VCL: variants seen among roughly 807,000 people sequenced by gnomAD.
VCL encodes the protein epididymis luminal protein 114.
A neutral mutation model predicts 125.7 loss-of-function variants in VCL; 47 were observed. That is an observed-to-expected ratio of 0.37 (90% confidence interval 0.30 to 0.48). VCL has a LOEUF of 0.48. VCL is among the 20% of genes least tolerant of loss of function. VCL has a pLI of 0.99. For synonymous variants in VCL, 458 were observed against 514.6 expected (o/e 0.89, Z 1.49); for missense variants, 1,069 against 1,455.5 (o/e 0.73, Z 4.32).
chr10:74,013,080 G>A (rs1840465798), intron 1 of VCL, among the ~76,000 whole-genome samples: 1 of 152,114 alleles, frequency 6.6e-6, no homozygotes, highest in South Asian at 2.1e-4. Context: ...ATCCATCATA[G>A]TGCTTGGCAT....
intron 2 of VCL, among the ~76,000 whole-genome samples, chr10:74,067,379 A>G (rs114564754): frequency 2.6e-4 from 33 of 126,350 alleles, no homozygotes; most frequent in Non-Finnish European, 3.9e-4. Context: ...GCTTTTATTT[A>G]AAAAAAAAAA....
intron 21 of VCL, among the ~76,000 whole-genome samples, chr10:74,117,009 A>G (rs1298492671): frequency 1.3e-5 from 2 of 152,238 alleles, no homozygotes; most frequent in East Asian, 3.8e-4. Flanking sequence ...TGAATTGCCA[A>G]GATCCTTCCT....
chr10:74,080,497 A>G (rs942343367), intron 6 of VCL, among the ~76,000 whole-genome samples: 2 of 152,164 alleles, frequency 1.3e-5, no homozygotes, highest in African/African-American at 4.8e-5. Flanking sequence ...ACATGCAGGG[A>G]ATGCATATTA....
At chr10:74,098,132 T>G (rs1441995418) in intron 13 of VCL, among the ~76,000 whole-genome samples, 1 of 152,236 alleles carries the variant, frequency 6.6e-6, no homozygotes, top group Non-Finnish European at 1.5e-5. Flanking sequence ...TACATCTGTA[T>G]GTACCTCCTT....
chr10:74,054,877 C>T (rs1267788386), intron 2 of VCL, among the ~76,000 whole-genome samples: 1 of 151,416 alleles, frequency 6.6e-6, no homozygotes, highest in African/African-American at 2.4e-5. Flanking sequence ...GCTGAGATCA[C>T]GCCATTGCAC....
chr10:74,083,529 T>C lies in VCL; in HGVS notation c.1022+16T>C. 1 of 1,613,230 alleles carries C rather than the reference T, an allele frequency of 6.2e-7. No homozygotes were observed. The highest frequency in any genetic ancestry group is 2.2e-5 in the East Asian group (1 of 44,846). ...TCCGTGCCAGGTAAAAGTTCCTCTGTCCTTACAGAGCAGTAGTGGGTAACT... is the reference window on the plus strand; with the variant it reads ...TCCGTGCCAGGTAAAAGTTCCTCTGCCCTTACAGAGCAGTAGTGGGTAACT... On this transcript the variant is annotated intron_variant, in intron 8 of 21. Transcript: ENST00000211998.
intron 2 of VCL, among the ~76,000 whole-genome samples, chr10:74,062,075 T>A (rs1841490591): frequency 6.6e-6 from 1 of 151,880 alleles, no homozygotes; most frequent in Non-Finnish European, 1.5e-5. Flanking sequence ...TTTTTATTTT[T>A]ATTTTTTGAG....
chr10:74,066,504 A>G (rs1841573195), intron 2 of VCL, among the ~76,000 whole-genome samples: 1 of 152,186 alleles, frequency 6.6e-6, no homozygotes, highest in African/African-American at 2.4e-5. Context: ...ATATAGGCAG[A>G]ACTCAACAAA....
At chr10:74,087,299 TTTTATTTATTTA>T (rs1042392021) in intron 8 of VCL, among the ~76,000 whole-genome samples, 1 of 149,548 alleles carries the variant, frequency 6.7e-6, no homozygotes, top group Non-Finnish European at 1.5e-5. Flanking sequence ...AACAGAATAA[TTTTATTTATTTA>T]TTTATTTATT....
intron 1 of VCL, among the ~76,000 whole-genome samples, chr10:74,017,713 G>C (rs1394556753): frequency 1.5e-5 from 2 of 137,832 alleles, no homozygotes; most frequent in Non-Finnish European, 3.4e-5. Flanking sequence ...ATGCCACCAT[G>C]TCTGGCTAAT....
chr10:74,114,890 G>A lies in VCL; in HGVS notation c.3249G>A (p.Glu1083=). ...MLGRTNISDE[E]SEQATEMLVH... ...GCCGGACCAACATCAGTGATGAGGA[G>A]TCTGAGCAGGTATGTGGCAGCTGTT... The change falls in exon 21 of 22, where the codon GAG becomes GAA. Residue 1083 remains glutamate, a synonymous_variant. Coordinates refer to ENST00000211998, the MANE Select transcript of VCL (RefSeq NM_014000.3). The A allele has an allele frequency of 6.3e-7, 1 of 1,591,614 alleles. No individual in the cohort carries two copies. Among genetic ancestry groups the A allele is most frequent in the Non-Finnish European group, 8.6e-7 (1 of 1,168,914 alleles).
intron 2 of VCL, among the ~76,000 whole-genome samples, chr10:74,062,367 A>ATTTT (rs34306365): frequency 1.2e-4 from 14 of 113,960 alleles, no homozygotes; most frequent in Admixed American, 2.0e-4. Context: ...GCCTGGCCTG[A>ATTTT]TTTTTTTTTT....
chr10:74,119,633 G>C lies in VCL; in HGVS notation c.*1464G>C, dbSNP rs1280821433. ...CCAAAGCCAGAACCAGATGAGTAAAGGAGTAAGAACCTTGCCTGAACATCC... is the reference window on the plus strand; with the variant it reads ...CCAAAGCCAGAACCAGATGAGTAAACGAGTAAGAACCTTGCCTGAACATCC... On this transcript the variant is annotated 3_prime_UTR_variant, in exon 22 of 22. Transcript: ENST00000211998. 6.6e-6 allele frequency: 1 copy of C among 152,264 alleles called. No homozygotes were observed. The highest frequency in any genetic ancestry group is 6.5e-5 in the Admixed American group (1 of 15,280). 9.4% of individuals were successfully genotyped at this position (152,264 alleles called of 1,614,324 possible).
intron 1 of VCL, among the ~76,000 whole-genome samples, chr10:74,011,835 G>T (rs1477836881): frequency 6.6e-6 from 1 of 152,188 alleles, no homozygotes; most frequent in African/African-American, 2.4e-5. Flanking sequence ...TAAGTGTGGG[G>T]TGTGTGTATA....
intron 6 of VCL, chr10:74,075,290 T>C (rs1214676902): frequency 5.7e-6 from 1 of 176,344 alleles, no homozygotes; most frequent in Admixed American, 5.6e-5. Flanking sequence ...TTCTGAACTT[T>C]ATGGAAAACT....
At chr10:74,079,887 A>T (rs1211064242) in intron 6 of VCL, among the ~76,000 whole-genome samples, 1 of 152,188 alleles carries the variant, frequency 6.6e-6, no homozygotes, top group East Asian at 1.9e-4. Context: ...TAACTTATTG[A>T]AAGTCGCAGT....
At chr10:74,046,538 C>T (rs1365892634) in intron 2 of VCL, among the ~76,000 whole-genome samples, 1 of 152,206 alleles carries the variant, frequency 6.6e-6, no homozygotes, top group African/African-American at 2.4e-5. Context: ...CCACTGTGCC[C>T]CGGCCTTAGC....
Position 74,097,063 on chromosome 10 carries a change from C to T in VCL, c.1744-141C>T. On this transcript the variant is annotated intron_variant, in intron 12 of 21. Transcript: ENST00000211998. The surrounding 1 kb of genome is among the most constrained non-coding windows in gnomAD (Gnocchi z 4.1). ...ATAAATTACACCTGTTCTGTGCTAG[C>T]TCAGTGCTTTGTACACAGTTAACAA... 8.2e-7 allele frequency: 1 copy of T among 1,226,116 alleles called. No individual in the cohort carries two copies. Among genetic ancestry groups the T allele is most frequent in the South Asian group, 1.2e-5 (1 of 81,382 alleles). The allele number at this position is 1,226,116 out of a possible 1,614,324, so 76.0% of individuals were successfully genotyped here. A position where few individuals can be genotyped will look rare whatever the true frequency, so the allele number is the denominator to read the frequency against.
chr10:74,034,072 T>C (rs868498176), intron 1 of VCL, among the ~76,000 whole-genome samples: 2 of 152,262 alleles, frequency 1.3e-5, no homozygotes, highest in Admixed American at 6.5e-5. Flanking sequence ...TTGCATGTTA[T>C]GTAAGTAATA....
Sources: gnomAD v4.1 joint callset for allele counts (sites outside exome capture counted in the v4.1 genomes callset) on GRCh38, gnomAD v4.1.1 for gene constraint, Gnocchi (gnomAD v3.1) non-coding constraint, MANE v1.5 for transcripts, NCBI Gene and HGNC (gene_info 2026-07-23, HGNC 2026-07-21) for gene names.